The following PTPN3 variants were observed in gnomAD, a reference collection of about 807,000 sequenced individuals.
PTPN3 encodes tyrosine-protein phosphatase non-receptor type 3.
Under a neutral mutation model 132.7 loss-of-function variants are expected in PTPN3, and 96 were observed. The observed-to-expected ratio is 0.72, with a 90% CI of 0.61 to 0.86. The LOEUF (loss-of-function observed/expected upper bound fraction) is 0.86. Among genes scored for constraint, PTPN3 ranks in the 40% least tolerant of loss-of-function variants. The probability of loss-of-function intolerance (pLI) is 0.00; values close to 1 mark genes in which losing one functional copy is unlikely to be tolerated. For synonymous variants in PTPN3, 398 were observed against 429.0 expected (o/e 0.93, Z 0.89); for missense variants, 1,125 against 1,159.6 (o/e 0.97, Z 0.43).
At chr9:109,512,214 G>A in the PTPN3 span, among the ~76,000 whole-genome samples, 1 of 152,086 alleles carries the variant, frequency 6.6e-6, no homozygotes, top group African/African-American at 2.4e-5. Context: ...GCTTTTTAAC[G>A]ATATTCCTTC....
chr9:109,454,840 A>G (rs1014790399), intron 4 of PTPN3, among the ~76,000 whole-genome samples: 1 of 152,236 alleles, frequency 6.6e-6, no homozygotes, highest in African/African-American at 2.4e-5. Flanking sequence ...GTGTTTAAAC[A>G]TTGCACTCCG....
At chr9:109,463,601 GTT>G (rs1845955379) in intron 1 of PTPN3, 150 bp from the exon 2 acceptor site, 1 of 635,044 alleles carries the variant, frequency 1.6e-6, no homozygotes, top group Admixed American at 4.0e-5. Context: ...TTCCAATTGA[GTT>G]TTGACTTCTA....
chr9:109,409,979 T>C lies in PTPN3; in HGVS notation c.1578+20A>G, dbSNP rs1841947259. Reference sequence around the variant, plus strand: ...GATTGCTTCCCAGCACAAAACTTCCTTTATAAATACACAACATACCTTAAG... The same window carrying C: ...GATTGCTTCCCAGCACAAAACTTCCCTTATAAATACACAACATACCTTAAG... On this transcript the variant is annotated intron_variant, in intron 16 of 25. Transcript: ENST00000374541. The C allele has an allele frequency of 6.2e-7, 1 of 1,612,448 alleles. No homozygotes were observed. Among genetic ancestry groups the C allele is most frequent in the Non-Finnish European group, 8.5e-7 (1 of 1,179,118 alleles).
chr9:109,405,564 G>A (rs1009943918), intron 18 of PTPN3, among the ~76,000 whole-genome samples: 3 of 152,202 alleles, frequency 2.0e-5, no homozygotes, highest in Non-Finnish European at 4.4e-5. Flanking sequence ...AGGCAGCAAT[G>A]CAGGTACTTT....
At chr9:109,453,710 T>A (rs908120624) in intron 5 of PTPN3, among the ~76,000 whole-genome samples, 1 of 152,122 alleles carries the variant, frequency 6.6e-6, no homozygotes, top group Non-Finnish European at 1.5e-5. Flanking sequence ...GGGGATCTGA[T>A]AGAAAATTCT....
chr9:109,465,608 C>T (rs1390919238), intron 1 of PTPN3, among the ~76,000 whole-genome samples: 1 of 147,254 alleles, frequency 6.8e-6, no homozygotes, highest in African/African-American at 2.5e-5. Context: ...ACTCCAGAGG[C>T]TGAGGCAGGA....
At chr9:109,508,963 G>T in the PTPN3 span, among the ~76,000 whole-genome samples, 3 of 152,162 alleles carry the variant, frequency 2.0e-5, no homozygotes, top group African/African-American at 7.2e-5. Flanking sequence ...GGAGGTCGAG[G>T]TGGGAGGATT....
chr9:109,451,199 G>A (rs1175705089), intron 5 of PTPN3: 8 of 973,216 alleles, frequency 8.2e-6, no homozygotes, highest in Non-Finnish European at 9.8e-6. Context: ...GGCCAGTCTG[G>A]GCAACATAGC....
intron 10 of PTPN3, among the ~76,000 whole-genome samples, chr9:109,431,521 G>A (rs1380656310): frequency 6.6e-6 from 1 of 152,222 alleles, no homozygotes; most frequent in Non-Finnish European, 1.5e-5. Context: ...AGCCCACCAA[G>A]CAGGCTGGAG....
At chr9:109,436,700 A>T (rs1844077823) in intron 9 of PTPN3, among the ~76,000 whole-genome samples, 183 bp downstream of exon 9, 1 of 152,052 alleles carries the variant, frequency 6.6e-6, no homozygotes, top group South Asian at 2.1e-4. Context: ...AGCAAACATT[A>T]AAAAAAAGCA....
intron 1 of PTPN3, among the ~76,000 whole-genome samples, chr9:109,464,718 A>T (rs1846011892): frequency 6.6e-6 from 1 of 152,288 alleles, no homozygotes; most frequent in South Asian, 2.1e-4. Context: ...ACTGTGGTAC[A>T]GTCATACCAT....
At position 109,478,210 on chromosome 9, in the gene PTPN3, G is replaced by T. The variant is rs545726389; in HGVS notation, c.-17-14759C>A. Among the ~76,000 whole-genome samples the T allele has an allele frequency of 2.8e-3, 419 of 152,352 alleles. 1 individual carries two copies. Among genetic ancestry groups the T allele is most frequent in the Non-Finnish European group, 4.3e-3 (293 of 68,034 alleles). The stretch of plus-strand genomic sequence containing the variant: ...GCTCAGACCAGTGGCTACAAAGGGC[G>T]TGGACTCTGATGTGCTCAGGTTGAA... On this transcript the variant is annotated intron_variant, in intron 1 of 25. Transcript: ENST00000374541.
At chr9:109,415,676 G>A (rs530135113) in intron 14 of PTPN3, among the ~76,000 whole-genome samples, 8 of 152,300 alleles carry the variant, frequency 5.3e-5, no homozygotes, top group East Asian at 1.9e-4. Flanking sequence ...TGGGGATGGT[G>A]GAGGAGTCAA....
intron 12 of PTPN3, among the ~76,000 whole-genome samples, chr9:109,426,298 A>G (rs979535260): frequency 6.7e-6 from 1 of 148,828 alleles, no homozygotes; most frequent in African/African-American, 2.4e-5. Context: ...TATATTATAT[A>G]TATTTATACA....
intron 4 of PTPN3, among the ~76,000 whole-genome samples, chr9:109,455,354 T>G (rs894633467): frequency 4.6e-5 from 7 of 152,178 alleles, no homozygotes; most frequent in Admixed American, 3.3e-4. Flanking sequence ...TCATGTCAAT[T>G]TCACCATCAT....
intron 7 of PTPN3, among the ~76,000 whole-genome samples, chr9:109,440,014 A>G (rs1033295123): frequency 8.5e-5 from 13 of 152,172 alleles, no homozygotes; most frequent in Admixed American, 2.0e-4. Context: ...GATCCACACC[A>G]TAACGAAGGG....
At chr9:109,498,977 A>G (rs1231581732), upstream of PTPN3, among the ~76,000 whole-genome samples, 1 of 152,038 alleles carries the variant, frequency 6.6e-6, no homozygotes, top group African/African-American at 2.4e-5. This position sits in a 1 kb window ranked among gnomAD's most constrained non-coding sequence, Gnocchi z 4.2. Flanking sequence ...TTCCTCGATT[A>G]GCCCTCTGCT....
chr9:109,389,504 C>A (rs566830208), intron 21 of PTPN3, 125 bp from the exon 22 acceptor site: 42 of 986,434 alleles, frequency 4.3e-5, no homozygotes, highest in Non-Finnish European at 5.9e-5. Context: ...TATCAATTCA[C>A]AGCCAATAAG....
chr9:109,403,582 G>GT (rs2131713181), intron 19 of PTPN3, among the ~76,000 whole-genome samples: 1 of 152,282 alleles, frequency 6.6e-6, no homozygotes, highest in African/African-American at 2.4e-5. Flanking sequence ...GCTCACACCT[G>GT]TAATTTCAGC....
Sources: gnomAD v4.1 joint callset for allele counts (sites outside exome capture counted in the v4.1 genomes callset) on GRCh38, gnomAD v4.1.1 for gene constraint, Gnocchi (gnomAD v3.1) non-coding constraint, MANE v1.5 for transcripts, NCBI Gene and HGNC (gene_info 2026-07-23, HGNC 2026-07-21) for gene names.